KCNIP1: variants seen among roughly 807,000 people sequenced by gnomAD.
KCNIP1 encodes the protein potassium voltage-gated channel interacting protein 1.
A neutral mutation model predicts 33.0 loss-of-function variants in KCNIP1; 18 were observed. The ratio of observed to expected loss-of-function variants is 0.55; its 90% CI spans 0.38 to 0.81. The LOEUF (loss-of-function observed/expected upper bound fraction) is 0.81, where lower values mean the gene tolerates loss of function less well. KCNIP1 is among the 30% of genes least tolerant of loss of function. The pLI, the probability that KCNIP1 is intolerant of heterozygous loss-of-function variation, is 0.00. For missense variants in KCNIP1, 238 were observed against 271.6 expected (o/e 0.88, Z 0.87); for synonymous variants, 93 against 98.3 (o/e 0.95, Z 0.32).
intron 1 of KCNIP1, among the ~76,000 whole-genome samples, chr5:170,558,475 G>A (rs1360697489): frequency 6.6e-6 from 1 of 152,246 alleles, no homozygotes; most frequent in Non-Finnish European, 1.5e-5. Context: ...CATTGAACAG[G>A]TGGGACACCA....
At chr5:170,592,185 T>C (rs533390139) in intron 1 of KCNIP1, among the ~76,000 whole-genome samples, 61 of 152,210 alleles carry the variant, frequency 4.0e-4, no homozygotes, top group Non-Finnish European at 6.6e-4. Flanking sequence ...TCATTGTGGT[T>C]TGCTTTGCAG....
intron 1 of KCNIP1, among the ~76,000 whole-genome samples, chr5:170,605,770 C>CTCT (rs1554104190): frequency 6.8e-5 from 7 of 102,348 alleles, no homozygotes; most frequent in African/African-American, 2.3e-4. Context: ...CAACCCTGTT[C>CTCT]TTTTTTTTTT....
chr5:170,392,221 C>T (rs778072341), intron 1 of KCNIP1, among the ~76,000 whole-genome samples: 1 of 152,172 alleles, frequency 6.6e-6, no homozygotes, highest in Non-Finnish European at 1.5e-5. Context: ...AACAAGCCTG[C>T]AGACAGTTCC....
chr5:170,611,532 G>A (rs561365242), intron 1 of KCNIP1, among the ~76,000 whole-genome samples: 30 of 152,326 alleles, frequency 2.0e-4, no homozygotes, highest in African/African-American at 6.7e-4. Context: ...CTTGCAAGGA[G>A]GTATCACATA....
chr5:170,543,505 T>C (rs1756292107), intron 1 of KCNIP1, among the ~76,000 whole-genome samples: 1 of 152,210 alleles, frequency 6.6e-6, no homozygotes. Flanking sequence ...TTACCAAGTG[T>C]TGACTTTGGG....
At chr5:170,455,206 A>C (rs868223019) in intron 1 of KCNIP1, among the ~76,000 whole-genome samples, 1 of 152,208 alleles carries the variant, frequency 6.6e-6, no homozygotes, top group Admixed American at 6.5e-5. Flanking sequence ...TAACAAAGCT[A>C]TACACCAACT....
intron 1 of KCNIP1, among the ~76,000 whole-genome samples, chr5:170,627,565 C>T (rs568733779): frequency 2.2e-4 from 34 of 152,390 alleles, no homozygotes; most frequent in African/African-American, 7.9e-4. Flanking sequence ...CTGCTCAGGA[C>T]CCTGGCTGAC....
intron 1 of KCNIP1, among the ~76,000 whole-genome samples, chr5:170,571,406 GC>G (rs1757404422): frequency 6.6e-6 from 1 of 152,146 alleles, no homozygotes; most frequent in Non-Finnish European, 1.5e-5. Context: ...TTTCTCTCCT[GC>G]CTTCTTGCCT....
At chr5:170,525,470 A>G (rs1207508402) in intron 1 of KCNIP1, among the ~76,000 whole-genome samples, 1 of 152,248 alleles carries the variant, frequency 6.6e-6, no homozygotes, top group African/African-American at 2.4e-5. Flanking sequence ...AAGCACTATC[A>G]TGCAGGTAGG....
At chr5:170,497,906 G>A (rs1350030585) in intron 1 of KCNIP1, among the ~76,000 whole-genome samples, 4 of 152,228 alleles carry the variant, frequency 2.6e-5, no homozygotes, top group Non-Finnish European at 5.9e-5. Context: ...GCGCAGAAGC[G>A]TGCAGGGGGA....
chr5:170,733,425 C>T (rs1198908085), intron 6 of KCNIP1, among the ~76,000 whole-genome samples: 1 of 152,224 alleles, frequency 6.6e-6, no homozygotes, highest in Non-Finnish European at 1.5e-5. Context: ...CACTCTAGTT[C>T]AACCTCCCAC....
intron 1 of KCNIP1, among the ~76,000 whole-genome samples, chr5:170,685,719 C>T (rs1440358180): frequency 6.6e-6 from 1 of 152,000 alleles, no homozygotes; most frequent in Non-Finnish European, 1.5e-5. Flanking sequence ...GAACTCCTGA[C>T]CTCAGGTGAT....
chr5:170,692,638 A>G (rs1270421567), intron 1 of KCNIP1, among the ~76,000 whole-genome samples: 1 of 152,204 alleles, frequency 6.6e-6, no homozygotes, highest in East Asian at 1.9e-4. Context: ...TGGGGATACT[A>G]ATATCACCTC....
intron 1 of KCNIP1, among the ~76,000 whole-genome samples, chr5:170,665,113 C>G (rs959160029): frequency 6.6e-6 from 1 of 152,096 alleles, no homozygotes; most frequent in Non-Finnish European, 1.5e-5. Context: ...GCAAAAGGAC[C>G]AGGGCTTGGG....
chr5:170,639,845 C>G (rs1425236728), intron 1 of KCNIP1, among the ~76,000 whole-genome samples: 1 of 152,210 alleles, frequency 6.6e-6, no homozygotes, highest in Non-Finnish European at 1.5e-5. Context: ...ACTCCCTCCC[C>G]CTGACAAAAA....
At chr5:170,540,229 G>A (rs1756147064) in intron 1 of KCNIP1, among the ~76,000 whole-genome samples, 1 of 152,174 alleles carries the variant, frequency 6.6e-6, no homozygotes, top group South Asian at 2.1e-4. Context: ...AGCTTTCCTG[G>A]GGGCATGGCT....
chr5:170,424,646 C>A (rs1755573082), intron 1 of KCNIP1, among the ~76,000 whole-genome samples: 1 of 152,152 alleles, frequency 6.6e-6, no homozygotes, highest in African/African-American at 2.4e-5. Context: ...ATCGTCTCTC[C>A]CCTGTTCACT....
At chr5:170,680,809 A>C (rs1762314224) in intron 1 of KCNIP1, 1 of 316,738 alleles carries the variant, frequency 3.2e-6, no homozygotes, top group African/African-American at 2.1e-5. Flanking sequence ...GGACTGGTTA[A>C]ACCTTTGGAG....
intron 1 of KCNIP1, among the ~76,000 whole-genome samples, chr5:170,477,137 A>G (rs956083091): frequency 1.3e-5 from 2 of 152,272 alleles, no homozygotes; most frequent in South Asian, 4.2e-4. Context: ...AGAAGTAAGT[A>G]AATACATAAG....
Sources: allele counts gnomAD v4.1 joint callset (sites outside exome capture counted in the v4.1 genomes callset), GRCh38; gene constraint gnomAD v4.1.1; transcripts MANE v1.5; gene names NCBI Gene and HGNC (gene_info 2026-07-23, HGNC 2026-07-21).